CDS1: variants seen among roughly 807,000 people sequenced by gnomAD.
CDS1 encodes phosphatidate cytidylyltransferase 1.
A neutral mutation model predicts 62.1 loss-of-function variants in CDS1; 41 were observed. The ratio of observed to expected loss-of-function variants is 0.66; its 90% CI spans 0.51 to 0.86. The LOEUF (loss-of-function observed/expected upper bound fraction) is 0.86. CDS1 is among the 40% of genes least tolerant of loss of function. The pLI, the probability that CDS1 is intolerant of heterozygous loss-of-function variation, is 0.00. For synonymous variants in CDS1, 185 were observed against 192.6 expected (o/e 0.96, Z 0.32); for missense variants, 470 against 550.1 (o/e 0.85, Z 1.46).
chr4:84,608,419 C>T (rs1723202063), intron 2 of CDS1, among the ~76,000 whole-genome samples: 1 of 152,108 alleles, frequency 6.6e-6, no homozygotes, highest in Non-Finnish European at 1.5e-5. Context: ...CGTGATCTGC[C>T]CACCTCGGCC....
intron 7 of CDS1, 44 bp downstream of exon 7, chr4:84,633,983 C>T (rs200394423): frequency 1.8e-6 from 2 of 1,133,632 alleles, no homozygotes; most frequent in Non-Finnish European, 2.6e-6. Flanking sequence ...TGTCATAGCA[C>T]TTTTATAGTT....
In CDS1 at chr4:84,649,802, T is replaced by C. The variant is rs1369617426; in HGVS notation, c.*1116T>C. ...TGTCATAAAATTTGAGGATATCAGC[T>C]GATTATTTTTTCTTCCAAGAATGAA... On this transcript the variant is annotated 3_prime_UTR_variant, in exon 13 of 13. Coordinates refer to ENST00000295887, the MANE Select transcript of CDS1 (RefSeq NM_001263.4). The C allele has an allele frequency of 6.6e-6, 1 of 152,160 alleles. No homozygotes were observed. The highest frequency in any genetic ancestry group is 1.5e-5 in the Non-Finnish European group (1 of 68,034). The allele number at this position is 152,160 out of a possible 1,614,324, so 9.4% of individuals were successfully genotyped here.
intron 1 of CDS1, among the ~76,000 whole-genome samples, chr4:84,593,596 C>T (rs1722659748): frequency 1.3e-5 from 2 of 151,960 alleles, no homozygotes; most frequent in Non-Finnish European, 2.9e-5. Context: ...CCTCTGTCTC[C>T]CAGATTCAAG....
In CDS1 at chr4:84,631,932, T is replaced by C. The variant is rs192407976; in HGVS notation, c.639+55T>C. 1,295 of 1,288,790 alleles carry C rather than the reference T, an allele frequency of 1.0e-3. 2 individuals are homozygous for C. Among genetic ancestry groups the C allele is most frequent in the Non-Finnish European group, 1.2e-3 (1,082 of 892,644 alleles). The allele number at this position is 1,288,790 out of a possible 1,614,324, so 79.8% of individuals were successfully genotyped here. On this transcript the variant is annotated intron_variant, in intron 6 of 12. Transcript: ENST00000295887. ...TATCTGTGATAAAAACCCTTAACTT[T>C]TTTTTTTCTGTAGTGAGAAGATACA...
At chr4:84,615,509 C>T (rs554693182) in intron 3 of CDS1, among the ~76,000 whole-genome samples, 1 of 152,040 alleles carries the variant, frequency 6.6e-6, no homozygotes, top group Admixed American at 6.6e-5. Context: ...CCTAGTAGTT[C>T]CCTTAATACG....
Position 84,604,250 on chromosome 4 carries a change from A to G in CDS1, c.125A>G (p.Asp42Gly). 1 of 1,606,896 alleles carries G rather than the reference A, an allele frequency of 6.2e-7. No homozygotes were observed. Among genetic ancestry groups the G allele is most frequent in the African/African-American group, 1.3e-5 (1 of 74,698 alleles). The part of the protein sequence containing the change: ...ETESTSDKET[D>G]IDDRYGDLDS... ...TTGTCTTTTTAATTTTAGGAAACAG[A>G]TATTGATGACAGATATGGAGATTTG... Residue 42 changes from aspartate (D) to glycine (G), a missense_variant, in exon 2 of 13, where the codon GAT becomes GGT. This residue lies in a region of CDS1 where 150 missense variants were observed against 142.0 expected (regional missense o/e 1.06). Transcript: ENST00000295887.
chr4:84,632,365 T>C (rs1724049114), intron 6 of CDS1, among the ~76,000 whole-genome samples: 1 of 152,242 alleles, frequency 6.6e-6, no homozygotes, highest in African/African-American at 2.4e-5. Context: ...AAAGCCTGTC[T>C]TAAGAAATGT....
Position 84,635,574 on chromosome 4 carries a change from TCTGCCTGCCTGC to T in CDS1, c.810+266_810+277del, listed in dbSNP as rs1214957051. On this transcript the variant is annotated intron_variant, in intron 8 of 12. Coordinates refer to ENST00000295887, the MANE Select transcript of CDS1 (RefSeq NM_001263.4). ...CTCAGGAAGGGCATGACTCCATCAG[TCTGCCTGCCTGC>T]CTGCCTGCCTGCCTGCCTGCCTGCC... Among the ~76,000 whole-genome samples the T allele has an allele frequency of 3.6e-3, 364 of 102,048 alleles. 3 individuals carry two copies. Among genetic ancestry groups the T allele is most frequent in the African/African-American group, 0.015 (355 of 23,988 alleles). The allele number at this position is 102,048 out of a possible 152,430, so 66.9% of individuals were successfully genotyped here.
At chr4:84,648,527 G>A (rs570682428) in intron 12 of CDS1, 30 bp from the exon 13 acceptor site, 47 of 1,605,536 alleles carry the variant, frequency 2.9e-5, no homozygotes, top group Non-Finnish European at 3.8e-5. Context: ...AAAATAACAC[G>A]AACTTGTCTT....
intron 2 of CDS1, among the ~76,000 whole-genome samples, chr4:84,608,692 A>G (rs537598665): frequency 3.5e-4 from 54 of 152,120 alleles, no homozygotes; most frequent in Admixed American, 9.2e-4. Context: ...CATGCTGTCT[A>G]TATCATATTC....
At chr4:84,636,373 G>C (rs1301459059) in intron 8 of CDS1, among the ~76,000 whole-genome samples, 1 of 152,114 alleles carries the variant, frequency 6.6e-6, no homozygotes, top group Non-Finnish European at 1.5e-5. Context: ...TTTTGCTATA[G>C]AATTGGTTCT....
intron 1 of CDS1, among the ~76,000 whole-genome samples, chr4:84,587,988 C>G (rs1053079158): frequency 6.6e-6 from 1 of 152,178 alleles, no homozygotes; most frequent in Non-Finnish European, 1.5e-5. Flanking sequence ...CAGATTTTCT[C>G]TACAGACACA....
At chr4:84,633,053 G>A (rs1026682167) in intron 6 of CDS1, among the ~76,000 whole-genome samples, 1 of 152,174 alleles carries the variant, frequency 6.6e-6, no homozygotes, top group Non-Finnish European at 1.5e-5. Context: ...GAACCTGGGA[G>A]GTCAAGGCTG....
intron 3 of CDS1, among the ~76,000 whole-genome samples, chr4:84,611,648 TC>T (rs1723328535): frequency 6.6e-6 from 1 of 152,256 alleles, no homozygotes; most frequent in African/African-American, 2.4e-5. Flanking sequence ...ATTTTTCACT[TC>T]CTTGGGGAAA....
chr4:84,604,616 T>C (rs377240588), intron 2 of CDS1, among the ~76,000 whole-genome samples: 11 of 152,202 alleles, frequency 7.2e-5, no homozygotes, highest in Admixed American at 5.2e-4. Flanking sequence ...TAGTAAGATA[T>C]AGACCTGGGA....
At chr4:84,643,569 A>C (rs759298600) in intron 11 of CDS1, among the ~76,000 whole-genome samples, 5 of 152,210 alleles carry the variant, frequency 3.3e-5, no homozygotes, top group Non-Finnish European at 7.3e-5. Context: ...CTTTCTGTAA[A>C]GGGCAAACAA....
intron 1 of CDS1, among the ~76,000 whole-genome samples, chr4:84,592,949 A>G (rs1722636499): frequency 6.6e-6 from 1 of 152,204 alleles, no homozygotes; most frequent in Non-Finnish European, 1.5e-5. Context: ...CATTTCACAA[A>G]CAATATGGGG....
At chr4:84,604,123 G>T (rs1723019131) in intron 1 of CDS1, 120 bp from the exon 2 acceptor site, 1 of 799,740 alleles carries the variant, frequency 1.3e-6, no homozygotes, top group African/African-American at 1.8e-5. Flanking sequence ...ATAAATAGTA[G>T]TTTCTTTGTT....
chr4:84,648,098 G>A lies in CDS1; in HGVS notation c.1257-459G>A, dbSNP rs559447353. Reference sequence around the variant, plus strand: ...CTCTGAATATTCATAACTCCCTGGAGATATTTTTCAACAAAATACCTTTCA... The same window carrying A: ...CTCTGAATATTCATAACTCCCTGGAAATATTTTTCAACAAAATACCTTTCA... On this transcript the variant is annotated intron_variant, in intron 12 of 12. Coordinates refer to ENST00000295887, the MANE Select transcript of CDS1 (RefSeq NM_001263.4). Among the ~76,000 whole-genome samples, 210 of 152,286 alleles carry A rather than the reference G, an allele frequency of 1.4e-3. 1 individual carries two copies. Among genetic ancestry groups the A allele is most frequent in the African/African-American group, 4.9e-3 (202 of 41,560 alleles).
Sources: gnomAD v4.1 joint callset for allele counts (sites outside exome capture counted in the v4.1 genomes callset) on GRCh38, gnomAD v4.1.1 for gene constraint, gnomAD v4.1.1 regional missense constraint, MANE v1.5 for transcripts, NCBI Gene and HGNC (gene_info 2026-07-23, HGNC 2026-07-21) for gene names.